Variants in ASB2 observed in about 807,000 individuals in gnomAD.
ASB2 encodes the protein ankyrin repeat and SOCS box containing 2, also known as ankyrin repeat and SOCS box protein 2.
Under a neutral mutation model 62.4 loss-of-function variants are expected in ASB2, and 58 were observed. That is an observed-to-expected ratio of 0.93 (90% CI 0.75 to 1.16). The LOEUF (loss-of-function observed/expected upper bound fraction) is 1.16, where lower values mean the gene tolerates loss of function less well. Among genes scored for constraint, ASB2 ranks in the 50% most tolerant of loss-of-function variants. The pLI, the probability that ASB2 is intolerant of heterozygous loss-of-function variation, is 0.00. For synonymous variants in ASB2, 386 were observed against 385.3 expected, an observed-to-expected ratio of 1.00 and a Z score of -0.02; for missense variants, 928 against 887.9, an observed-to-expected ratio of 1.05 and a Z score of -0.57.
intron 7 of ASB2, chr14:93,942,209 G>A (rs1363433188): frequency 2.2e-6 from 1 of 456,056 alleles, no homozygotes; most frequent in Non-Finnish European, 4.4e-6. Flanking sequence ...GGCACGTTTT[G>A]GATTCTCAGA....
chr14:93,952,407 CA>C (rs1460285014), intron 5 of ASB2, among the ~76,000 whole-genome samples: 1 of 152,208 alleles, frequency 6.6e-6, no homozygotes, highest in Admixed American at 6.5e-5. Flanking sequence ...GGTGGGTCTG[CA>C]GCGGATCCAG....
rs964834110 is a variant in ASB2, at chr14:93,957,137, C to A, written c.207-267G>T. 2.2e-6 allele frequency: 3 copies of A among 1,355,146 alleles called. No homozygotes were observed. The East Asian group carries it at 8.6e-5, about 39-fold the overall frequency. 83.9% of individuals were successfully genotyped at this position (1,355,146 alleles called of 1,614,324 possible). On this transcript the variant is annotated intron_variant, in intron 2 of 9. Transcript: ENST00000555019. ...CAATGAGGTTAACCTCACCCCACCC[C>A]CCGGTCCCCCTCCCCAGCCAACCAC...
chr14:93,957,112 C>T, intron 2 of ASB2: 1 of 1,407,222 alleles, frequency 7.1e-7, no homozygotes, highest in Non-Finnish European at 9.2e-7. Flanking sequence ...TATAAGACAA[C>T]AATGAGGTTA....
At position 93,964,412 on chromosome 14, in the gene ASB2, G is replaced by T; in HGVS notation, c.128C>A (p.Thr43Lys). Residue 43 changes from threonine to lysine, a missense_variant, in exon 2 of 10, where the codon ACA (threonine) becomes AAA (lysine). Thr to Lys is a moderately conservative substitution (Grantham distance 78). Coordinates refer to ENST00000555019, the MANE Select transcript of ASB2 (RefSeq NM_001202429.2). ...GGCCTCAGCAGTGGTTGGGCCCCTT[G>T]TCTTGTCCGCTAGGCTCTGCTCGAT... Reference protein sequence around the residue: ...MAIEQSLADKTRGPTTAEATA... With the variant: ...MAIEQSLADKKRGPTTAEATA... 1.3e-6 allele frequency: 2 copies of T among 1,536,120 alleles called. No individual in the cohort carries two copies. Among genetic ancestry groups the T allele is most frequent in the East Asian group, 2.4e-5 (1 of 40,912 alleles).
At chr14:93,938,346 T>C (rs907718838) in intron 8 of ASB2, among the ~76,000 whole-genome samples, 2 of 149,204 alleles carry the variant, frequency 1.3e-5, no homozygotes, top group Non-Finnish European at 3.0e-5. Context: ...TGCACGTCAT[T>C]CTCCTGCCTT....
At chr14:93,962,971 G>A (rs571942339) in intron 2 of ASB2, among the ~76,000 whole-genome samples, 1 of 152,298 alleles carries the variant, frequency 6.6e-6, no homozygotes, top group South Asian at 2.1e-4. Flanking sequence ...GAACGTCCTC[G>A]GGGGCAGCTT....
intron 1 of ASB2, among the ~76,000 whole-genome samples, chr14:93,966,677 A>G (rs1031601126): frequency 1.3e-5 from 2 of 152,254 alleles, no homozygotes; most frequent in Non-Finnish European, 2.9e-5. Context: ...CTTGTGGTTT[A>G]GCCAATGTTA....
Position 93,947,361 on chromosome 14 carries a change from T to C in ASB2, c.1040A>G (p.Lys347Arg), listed in dbSNP as rs1208790023. 1 of 1,614,170 alleles carries C rather than the reference T, an allele frequency of 6.2e-7. No homozygotes were observed. The highest frequency in any genetic ancestry group is 1.7e-5 in the Admixed American group (1 of 60,028). ...GLLPLHIASK[K>R]GNYRIVQMLL... ...AGCCTGGGCTGACCTGTAGTTGCCC[T>C]TCTTGGAGGCGATGTGCAGCGGGAG... is the stretch of plus-strand genomic sequence containing the variant. The change falls in exon 7 of 10, where the codon AAG (lysine) becomes AGG (arginine). Residue 347 changes from lysine (K) to arginine (R), a missense_variant. Lys to Arg is a conservative substitution (Grantham distance 26). Transcript: ENST00000555019.
intron 9 of ASB2, among the ~76,000 whole-genome samples, chr14:93,935,051 G>T (rs1404825570): frequency 6.6e-6 from 1 of 152,172 alleles, no homozygotes; most frequent in Admixed American, 6.5e-5. Flanking sequence ...TGCGGAAACC[G>T]AGGCTTAGCA....
At chr14:93,941,397 C>T (rs1182362291) in intron 7 of ASB2, 1 of 321,024 alleles carries the variant, frequency 3.1e-6, no homozygotes, top group African/African-American at 2.2e-5. Context: ...CCTCCTGGCA[C>T]ACAGGCTTCC....
intron 1 of ASB2, among the ~76,000 whole-genome samples, chr14:93,970,218 C>T (rs112909005): frequency 9.9e-5 from 15 of 152,190 alleles, no homozygotes; most frequent in African/African-American, 3.4e-4. Context: ...GGAGACACAG[C>T]TGGGAAGGCG....
chr14:93,939,698 G>C (rs748217837), intron 7 of ASB2, 26 bp from the exon 8 acceptor site: 1 of 1,408,538 alleles, frequency 7.1e-7, no homozygotes, highest in South Asian at 1.5e-5. Context: ...GCGGGCGCGG[G>C]TGAGGGGAGG....
intron 2 of ASB2, 72 bp from the exon 3 acceptor site, chr14:93,956,942 C>A: frequency 6.2e-7 from 1 of 1,601,442 alleles, no homozygotes; most frequent in Non-Finnish European, 8.5e-7. Flanking sequence ...TGGCTTCAGG[C>A]AGGAATGAGG....
intron 2 of ASB2, among the ~76,000 whole-genome samples, 161 bp downstream of exon 2, chr14:93,964,173 G>A (rs1456279274): frequency 6.6e-6 from 1 of 152,186 alleles, no homozygotes; most frequent in Non-Finnish European, 1.5e-5. Flanking sequence ...ACCTGGCACA[G>A]CCAGAGCTTG....
At chr14:93,954,539 G>T in intron 3 of ASB2, 56 bp from the exon 4 acceptor site, 1 of 1,554,520 alleles carries the variant, frequency 6.4e-7, no homozygotes, top group Non-Finnish European at 8.8e-7. Context: ...CAGGCCAGGG[G>T]GCCTCTCTCT....
At chr14:93,965,646 T>C (rs1254812487) in intron 1 of ASB2, among the ~76,000 whole-genome samples, 2 of 152,212 alleles carry the variant, frequency 1.3e-5, no homozygotes, top group African/African-American at 4.8e-5. Context: ...TGGCTGAACA[T>C]TGAATCACAT....
At position 93,970,204 on chromosome 14, in the gene ASB2, T is replaced by C. The variant is rs75024865; in HGVS notation, c.-73-5592A>G. On this transcript the variant is annotated intron_variant, in intron 1 of 9. Transcript: ENST00000555019. ...GATGTCTTAGCAGAAAACTGGGGGC[T>C]AGAGGAGACACAGCTGGGAAGGCGG... 6.8e-3 allele frequency among the ~76,000 whole-genome samples: 1,041 copies of C among 152,222 alleles called. 5 individuals are homozygous for C. The highest frequency in any genetic ancestry group is 0.024 in the African/African-American group (1,005 of 41,538).
At chr14:93,963,857 AAGTCCTGTGACTGAGAGGATGAGGTG>A (rs1295567651) in intron 2 of ASB2, among the ~76,000 whole-genome samples, 6 of 152,162 alleles carry the variant, frequency 3.9e-5, no homozygotes, top group Non-Finnish European at 5.9e-5. Flanking sequence ...CTGCTTTAGA[AAGTCCTGTGACTGAGAGGATGAGGTG>A]GGGCTGAGAG....
intron 1 of ASB2, among the ~76,000 whole-genome samples, chr14:93,975,248 C>T (rs944720322): frequency 6.6e-6 from 1 of 152,244 alleles, no homozygotes; most frequent in African/African-American, 2.4e-5. Flanking sequence ...TGTGCAGGGG[C>T]TCAGCTTCTG....
Sources: allele counts gnomAD v4.1 joint callset (sites outside exome capture counted in the v4.1 genomes callset), GRCh38; gene constraint gnomAD v4.1.1; transcripts MANE v1.5; gene names NCBI Gene and HGNC (gene_info 2026-07-23, HGNC 2026-07-21).